The following AZIN1 variants were observed in gnomAD, a reference collection of about 807,000 sequenced individuals.
AZIN1 encodes the protein antizyme inhibitor 1.
In AZIN1, 12 loss-of-function variants were observed where a neutral mutation model predicts 47.4. The ratio of observed to expected loss-of-function variants is 0.25; its 90% CI spans 0.16 to 0.41. The LOEUF (loss-of-function observed/expected upper bound fraction) is 0.41, where lower values mean the gene tolerates loss of function less well. Ranked by LOEUF, AZIN1 falls within the 10% of genes least tolerant of loss-of-function variation. The pLI, the probability that AZIN1 is intolerant of heterozygous loss-of-function variation, is 1.00. For synonymous variants in AZIN1, 155 were observed against 176.3 expected (o/e 0.88, Z 0.96); for missense variants, 410 against 532.4 (o/e 0.77, Z 2.26).
chr8:102,831,436 A>G (rs540672689), intron 9 of AZIN1, among the ~76,000 whole-genome samples: 189 of 151,752 alleles, frequency 1.2e-3, no homozygotes, highest in Middle Eastern at 6.8e-3. Flanking sequence ...AACCTGCCTG[A>G]CACAACCTTA....
At chr8:102,854,624 A>G (rs866689278) in intron 2 of AZIN1, 1 of 126,180 alleles carries the variant, frequency 7.9e-6, no homozygotes, top group Non-Finnish European at 1.6e-5. Flanking sequence ...ATATATATAT[A>G]TATTTTTTTT....
At chr8:102,862,504 C>T (rs761098111) in intron 1 of AZIN1, among the ~76,000 whole-genome samples, 3 of 152,114 alleles carry the variant, frequency 2.0e-5, no homozygotes, top group Non-Finnish European at 2.9e-5. Flanking sequence ...GGGCTTATTT[C>T]TAATCATGAT....
chr8:102,834,907 A>G, intron 6 of AZIN1, 160 bp from the exon 7 acceptor site: 1 of 564,922 alleles, frequency 1.8e-6, no homozygotes, highest in South Asian at 2.4e-5. Context: ...TAATTACCCA[A>G]AAGTTACAGT....
chr8:102,839,439 A>T (rs1812033849), intron 4 of AZIN1, among the ~76,000 whole-genome samples: 1 of 152,148 alleles, frequency 6.6e-6, no homozygotes. Context: ...TAAAGATAAA[A>T]CGTTTCAAAG....
At chr8:102,843,205 CAAAAAA>C (rs10713233) in intron 3 of AZIN1, among the ~76,000 whole-genome samples, 8 of 97,264 alleles carry the variant, frequency 8.2e-5, no homozygotes, top group African/African-American at 2.6e-4. Context: ...GACTCGTCTC[CAAAAAA>C]AAAAAAAAAA....
chr8:102,851,106 G>A (rs1246271332), intron 2 of AZIN1, among the ~76,000 whole-genome samples: 1 of 152,168 alleles, frequency 6.6e-6, no homozygotes, highest in Non-Finnish European at 1.5e-5. Context: ...AAATGTGTGT[G>A]TACTAAAGTG....
intron 2 of AZIN1, among the ~76,000 whole-genome samples, chr8:102,853,556 TA>T (rs112906701): frequency 2.6e-5 from 4 of 151,990 alleles, no homozygotes; most frequent in African/African-American, 9.7e-5. Context: ...TTGACCTTCC[TA>T]AAAAAAATGC....
intron 2 of AZIN1, chr8:102,855,563 A>C (rs1413231389): frequency 6.6e-6 from 1 of 152,230 alleles, no homozygotes; most frequent in Non-Finnish European, 1.5e-5. Context: ...ATCAAAATTC[A>C]GGTGGTTGAT....
chr8:102,846,463 C>T (rs554759792), intron 2 of AZIN1, among the ~76,000 whole-genome samples: 1 of 152,320 alleles, frequency 6.6e-6, no homozygotes, highest in African/African-American at 2.4e-5. Flanking sequence ...AGTGTTTCAT[C>T]TATTCAATAT....
chr8:102,849,193 T>C (rs191942350), intron 2 of AZIN1, among the ~76,000 whole-genome samples: 2,364 of 152,190 alleles, frequency 0.016, 41 homozygotes, highest in South Asian at 0.039. Flanking sequence ...CTCAGGAGGA[T>C]GAGGCAGGAG....
intron 5 of AZIN1, among the ~76,000 whole-genome samples, chr8:102,838,203 C>A (rs1023572149): frequency 1.3e-5 from 2 of 152,102 alleles, no homozygotes; most frequent in African/African-American, 4.8e-5. Flanking sequence ...AAAAAAAATT[C>A]TCTGGATACA....
At chr8:102,854,931 CTT>C (rs1289380654) in intron 2 of AZIN1, among the ~76,000 whole-genome samples, 1 of 152,096 alleles carries the variant, frequency 6.6e-6, no homozygotes, top group African/African-American at 2.4e-5. Context: ...GAGAAGCAAA[CTT>C]AGCTTTTTAA....
intron 9 of AZIN1, among the ~76,000 whole-genome samples, chr8:102,830,401 CAA>C (rs34437491): frequency 5.4e-4 from 49 of 90,554 alleles, no homozygotes; most frequent in East Asian, 1.3e-3. Context: ...GACCCTGTCT[CAA>C]AAAAAAAAAA....
intron 6 of AZIN1, 68 bp from the exon 7 acceptor site, chr8:102,834,815 C>A: frequency 2.0e-6 from 2 of 1,022,594 alleles, no homozygotes; most frequent in South Asian, 1.4e-5. Context: ...TAATTTCTTT[C>A]AACTGTCACT....
chr8:102,829,525 T>A, intron 10 of AZIN1, 39 bp from the exon 11 acceptor site: 1 of 1,510,594 alleles, frequency 6.6e-7, no homozygotes, highest in Non-Finnish European at 9.1e-7. Context: ...TTACTCATAC[T>A]TACGCAGGTA....
At chr8:102,844,022 T>C (rs928263462) in intron 2 of AZIN1, among the ~76,000 whole-genome samples, 1 of 152,118 alleles carries the variant, frequency 6.6e-6, no homozygotes, top group African/African-American at 2.4e-5. Flanking sequence ...ACTTACAGAG[T>C]TGCAGACCCA....
In AZIN1 at chr8:102,862,402, A is replaced by T. The variant is rs1813738442; in HGVS notation, c.-234+1405T>A. 2.6e-5 allele frequency among the ~76,000 whole-genome samples: 4 copies of T among 152,144 alleles called. No homozygotes were observed. The South Asian group carries it at 8.3e-4, about 32-fold the overall frequency. On this transcript the variant is annotated intron_variant, in intron 1 of 11. Coordinates refer to ENST00000337198, the MANE Select transcript of AZIN1 (RefSeq NM_148174.4). ...CACCTTCTGTTTGAAAACGTATGTG[A>T]TAAAACCTTGGGGGAGAAAGGCACT...
chr8:102,829,198 A>C, intron 11 of AZIN1, 74 bp downstream of exon 11: 2 of 1,274,220 alleles, frequency 1.6e-6, no homozygotes, highest in South Asian at 1.4e-5. Context: ...CATTCATTAC[A>C]GAATTAAAAC....
At chr8:102,844,346 A>T (rs867824224) in intron 2 of AZIN1, among the ~76,000 whole-genome samples, 470 of 44,364 alleles carry the variant, frequency 0.011, 1 homozygote, top group Middle Eastern at 0.047. Flanking sequence ...GTCTCTCCTA[A>T]AAAAAAAAAA....
Sources: allele counts gnomAD v4.1 joint callset (sites outside exome capture counted in the v4.1 genomes callset), GRCh38; gene constraint gnomAD v4.1.1; transcripts MANE v1.5; gene names NCBI Gene and HGNC (gene_info 2026-07-23, HGNC 2026-07-21).